The following ROBO2 variants were observed in gnomAD, a reference collection of about 807,000 sequenced individuals.
The protein encoded by ROBO2 is roundabout homolog 2.
Under a neutral mutation model 160.8 loss-of-function variants are expected in ROBO2, and 53 were observed. The observed-to-expected ratio is 0.33, with a 90% CI of 0.26 to 0.41. The LOEUF (loss-of-function observed/expected upper bound fraction) is 0.41, where lower values mean the gene tolerates loss of function less well. ROBO2 is among the 10% of genes least tolerant of loss of function. The pLI, the probability that ROBO2 is intolerant of heterozygous loss-of-function variation, is 1.00. For synonymous variants in ROBO2, 664 were observed against 611.7 expected (o/e 1.09, Z -1.26); for missense variants, 1,577 against 1,722.4 (o/e 0.92, Z 1.49).
chr3:77,481,030 T>A (rs1032435655), intron 3 of ROBO2, 69 bp from the exon 4 acceptor site: 73 of 1,332,818 alleles, frequency 5.5e-5, no homozygotes, highest in Non-Finnish European at 7.7e-5. Flanking sequence ...AACTATTTAT[T>A]AATGACCTTT....
chr3:77,581,639 C>A (rs2093921911), intron 16 of ROBO2, among the ~76,000 whole-genome samples: 1 of 152,022 alleles, frequency 6.6e-6, no homozygotes, highest in Non-Finnish European at 1.5e-5. Flanking sequence ...AATAATTTTT[C>A]TTTGTGTAAA....
At chr3:76,656,551 A>G (rs1900659) in intron 2 of ROBO2, among the ~76,000 whole-genome samples, 127,441 of 152,128 alleles carry the variant, frequency 0.84, 53,772 homozygotes, top group African/African-American at 0.93. Context: ...AGAAGCATGG[A>G]TAGGAGAAAA....
chr3:77,072,274 A>G (rs577485087), intron 1 of ROBO2, among the ~76,000 whole-genome samples: 2 of 152,268 alleles, frequency 1.3e-5, no homozygotes, highest in East Asian at 1.9e-4. Flanking sequence ...ATTCTACATT[A>G]TGGTGAGTTG....
At chr3:76,034,695 G>T (rs2130094) in intron 2 of ROBO2, among the ~76,000 whole-genome samples, 8,119 of 151,754 alleles carry the variant, frequency 0.054, 764 homozygotes, top group African/African-American at 0.18. Flanking sequence ...CCATGTTTTT[G>T]GTGATGTGCC....
rs1316984516 is a variant in ROBO2, at chr3:75,943,340, CTCA to C, written c.109+5741_109+5743del. Among the ~76,000 whole-genome samples the C allele has an allele frequency of 2.6e-5, 4 of 152,220 alleles. No individual in the cohort carries two copies. In the East Asian group the frequency reaches 7.7e-4, roughly 29 times the overall value. On this transcript the variant is annotated intron_variant, in intron 2 of 26. Transcript: ENST00000487694. ...AGGTACATCTCCTAATGAAGGTTTT[CTCA>C]TCCTCTGAAGCTGAATTTATTTAGG...
At chr3:77,327,848 G>A (rs1203984998) in intron 2 of ROBO2, among the ~76,000 whole-genome samples, 1 of 152,006 alleles carries the variant, frequency 6.6e-6, no homozygotes, top group Non-Finnish European at 1.5e-5. Flanking sequence ...TCAGGAGTTT[G>A]AGACTAGCCT....
intron 6 of ROBO2, among the ~76,000 whole-genome samples, chr3:77,532,921 T>C (rs6767931): frequency 0.21 from 32,080 of 151,940 alleles, 3,867 homozygotes; most frequent in East Asian, 0.34. Context: ...ACACAGGTTC[T>C]TTATCTCTCT....
Position 76,749,232 on chromosome 3 carries a change from ATTTTTGTAATAATTTCTT to A in ROBO2, c.110-348780_110-348763del, listed in dbSNP as rs2093940571. Among the ~76,000 whole-genome samples, 6 of 151,898 alleles carry A rather than the reference ATTTTTGTAATAATTTCTT, an allele frequency of 4.0e-5. No individual in the cohort carries two copies. In the South Asian group the frequency reaches 1.2e-3, roughly 32 times the overall value. ...GAATATTCAAAAATTATGATGCATT[ATTTTTGTAATAATTTCTT>A]TAGAAAAAAATAGAATTTTTTTTTC... On this transcript the variant is annotated intron_variant, in intron 2 of 26. Coordinates refer to the ROBO2 transcript ENST00000487694.
intron 2 of ROBO2, among the ~76,000 whole-genome samples, chr3:77,458,915 A>T (rs907621968): frequency 2.0e-5 from 3 of 152,154 alleles, no homozygotes; most frequent in African/African-American, 7.2e-5. Flanking sequence ...ACTTTTATTA[A>T]CTAGATGAAC....
At chr3:76,851,741 C>CAAAAAAAAAAAAA (rs71104629) in intron 2 of ROBO2, among the ~76,000 whole-genome samples, 1 of 63,270 alleles carries the variant, frequency 1.6e-5, no homozygotes, top group Non-Finnish European at 3.0e-5. Flanking sequence ...GACTCCGTCT[C>CAAAAAAAAAAAAA]AAAAAAAAAA....
chr3:76,127,850 G>A (rs2071052944), intron 2 of ROBO2, among the ~76,000 whole-genome samples: 1 of 148,334 alleles, frequency 6.7e-6, no homozygotes, highest in African/African-American at 2.5e-5. Flanking sequence ...AATACATAAG[G>A]TAAAATAATC....
chr3:77,026,824 T>C (rs1338145738), intron 2 of ROBO2, among the ~76,000 whole-genome samples: 1 of 152,230 alleles, frequency 6.6e-6, no homozygotes, highest in Non-Finnish European at 1.5e-5. Flanking sequence ...GAATGAATTA[T>C]CATTTTCCCC....
intron 4 of ROBO2, among the ~76,000 whole-genome samples, chr3:77,484,356 T>G (rs929091997): frequency 2.0e-5 from 3 of 152,028 alleles, no homozygotes; most frequent in Admixed American, 2.0e-4. Flanking sequence ...GTCCAAAATT[T>G]GGGTTTTAAA....
intron 2 of ROBO2, among the ~76,000 whole-genome samples, chr3:77,018,194 C>T (rs549899123): frequency 6.6e-6 from 1 of 152,234 alleles, no homozygotes; most frequent in East Asian, 1.9e-4. Flanking sequence ...ACCCAGCCTC[C>T]AAGGATCAAG....
At chr3:76,050,904 T>A (rs1268200737) in intron 2 of ROBO2, among the ~76,000 whole-genome samples, 1 of 152,210 alleles carries the variant, frequency 6.6e-6, no homozygotes, top group East Asian at 1.9e-4. Flanking sequence ...GATAGAAGAT[T>A]AAAGACAACT....
chr3:77,395,032 G>C (rs34404944), intron 2 of ROBO2, among the ~76,000 whole-genome samples: 26,255 of 152,048 alleles, frequency 0.17, 2,768 homozygotes, highest in African/African-American at 0.3. Context: ...TGAAGGAAAT[G>C]ATTCCTTAGT....
chr3:76,222,664 C>G (rs150195925), intron 2 of ROBO2, among the ~76,000 whole-genome samples: 2,311 of 152,146 alleles, frequency 0.015, 21 homozygotes, highest in Non-Finnish European at 0.023. Context: ...GGGGGAGAGC[C>G]CTCTCCTACC....
intron 2 of ROBO2, among the ~76,000 whole-genome samples, chr3:76,478,680 GTTTTTTTT>G (rs1042265916): frequency 8.3e-6 from 1 of 120,928 alleles, no homozygotes; most frequent in Admixed American, 8.5e-5. Flanking sequence ...TTTTTTCTCT[GTTTTTTTT>G]TTTTTTTTTT....
chr3:76,242,705 G>A lies in ROBO2; in HGVS notation c.109+305103G>A, dbSNP rs181519493. 2.7e-4 allele frequency among the ~76,000 whole-genome samples: 41 copies of A among 152,230 alleles called. No individual in the cohort carries two copies. The East Asian group carries it at 7.2e-3, about 27-fold the overall frequency. The stretch of plus-strand genomic sequence containing the variant: ...ATCGGAGATCAACCAGGGCAACATA[G>A]TGAGACCCTGTCTCTACAAAATATA... On this transcript the variant is annotated intron_variant, in intron 2 of 26. Coordinates refer to the ROBO2 transcript ENST00000487694.
Sources: gnomAD v4.1 joint callset for allele counts (sites outside exome capture counted in the v4.1 genomes callset) on GRCh38, gnomAD v4.1.1 for gene constraint, MANE v1.5 for transcripts, NCBI Gene and HGNC (gene_info 2026-07-23, HGNC 2026-07-21) for gene names.